ELFN1: variants seen among roughly 807,000 people sequenced by gnomAD.
ELFN1 encodes protein ELFN1.
A neutral mutation model predicts 7.6 loss-of-function variants in ELFN1; 6 were observed. The observed-to-expected ratio is 0.79, with a 90% CI of 0.43 to 1.56. The LOEUF (loss-of-function observed/expected upper bound fraction) is 1.56, where lower values mean the gene tolerates loss of function less well. Ranked by LOEUF, ELFN1 falls within the 40% of genes most tolerant of loss-of-function variation. ELFN1 has a pLI of 0.01. For missense variants in ELFN1, 1,169 were observed against 1,232.2 expected, an observed-to-expected ratio of 0.95 and a Z score of 0.77; for synonymous variants, 657 against 588.1, an observed-to-expected ratio of 1.12 and a Z score of -1.70.
At chr7:1,715,672 AT>A (rs1414046724) in intron 3 of ELFN1, among the ~76,000 whole-genome samples, 1 of 152,036 alleles carries the variant, frequency 6.6e-6, no homozygotes, top group East Asian at 1.9e-4. Context: ...TGTAATTTAC[AT>A]CCTGTGACTC....
rs927624049 is a variant in ELFN1, at chr7:1,670,721, G to A, written c.-549+367G>A. 5.9e-5 allele frequency among the ~76,000 whole-genome samples: 9 copies of A among 151,948 alleles called. No individual in the cohort carries two copies. The highest frequency in any genetic ancestry group is 8.8e-5 in the Non-Finnish European group (6 of 67,922). On this transcript the variant is annotated intron_variant, in intron 1 of 3. Coordinates refer to ENST00000424383, the MANE Select transcript of ELFN1 (RefSeq NM_001128636.4). The surrounding 1 kb of genome is among the most constrained non-coding windows in gnomAD (Gnocchi z 6.4). ...ACCCTGCCCGGCGCCCCCCAGACGCGGCCCCCTGCCCTTCCCTTCCCGGAA... is the reference window on the plus strand; with the variant it reads ...ACCCTGCCCGGCGCCCCCCAGACGCAGCCCCCTGCCCTTCCCTTCCCGGAA...
At chr7:1,690,383 G>C (rs1427137923) in intron 2 of ELFN1, among the ~76,000 whole-genome samples, 2 of 151,128 alleles carry the variant, frequency 1.3e-5, no homozygotes, top group Non-Finnish European at 3.0e-5. Context: ...ATGGATGAAT[G>C]GATAGGTGAG....
chr7:1,725,276 C>T (rs1780155491), intron 3 of ELFN1, among the ~76,000 whole-genome samples: 1 of 152,216 alleles, frequency 6.6e-6, no homozygotes, highest in South Asian at 2.1e-4. Context: ...AGGGAGGCTG[C>T]CCGGCCAGAA....
chr7:1,693,514 G>A (rs1267315396), intron 2 of ELFN1: 4 of 471,128 alleles, frequency 8.5e-6, no homozygotes, highest in African/African-American at 4.0e-5. Context: ...GGTGTGGGGC[G>A]TGACCCACTT....
At chr7:1,743,852 C>T (rs180795730) in intron 3 of ELFN1, among the ~76,000 whole-genome samples, 34 of 152,306 alleles carry the variant, frequency 2.2e-4, no homozygotes, top group East Asian at 3.9e-4. Context: ...CATCCCTGGC[C>T]GCAGCCAGCC....
chr7:1,729,904 C>T (rs1780291569), intron 3 of ELFN1, among the ~76,000 whole-genome samples: 1 of 152,250 alleles, frequency 6.6e-6, no homozygotes, highest in African/African-American at 2.4e-5. Context: ...CATCTGTCAG[C>T]ACGGATGCCG....
rs904359969 is a variant in ELFN1 at position 1,740,416 on chromosome 7, C to T, written c.-293-3888C>T. ...ATGCGGGGTCTCCGCACCTGCCCTC[C>T]GTGCCAGACAGCACTCCTTTCTAGA... On this transcript the variant is annotated intron_variant, in intron 3 of 3. Coordinates refer to ENST00000424383, the MANE Select transcript of ELFN1 (RefSeq NM_001128636.4). The surrounding 1 kb of genome is among the most constrained non-coding windows in gnomAD (Gnocchi z 5.0). 3.3e-5 allele frequency among the ~76,000 whole-genome samples: 5 copies of T among 152,250 alleles called. No individual in the cohort carries two copies. Among genetic ancestry groups the T allele is most frequent in the African/African-American group, 1.2e-4 (5 of 41,470 alleles).
chr7:1,725,798 C>T (rs1780175739), intron 3 of ELFN1, among the ~76,000 whole-genome samples: 1 of 152,152 alleles, frequency 6.6e-6, no homozygotes, highest in African/African-American at 2.4e-5. Context: ...TGCGCACACA[C>T]ACAGTACACA....
At chr7:1,679,087 A>C (rs1354906656) in intron 1 of ELFN1, among the ~76,000 whole-genome samples, 2 of 152,084 alleles carry the variant, frequency 1.3e-5, no homozygotes, top group African/African-American at 4.8e-5. Context: ...CCCGTCTTGC[A>C]GGGATGTTGG....
At chr7:1,669,754 C>G (rs1032244970), upstream of ELFN1, among the ~76,000 whole-genome samples, 1 of 152,228 alleles carries the variant, frequency 6.6e-6, no homozygotes, top group East Asian at 1.9e-4. Flanking sequence ...AGGTCCCTGC[C>G]CTCCCGGATA....
chr7:1,726,121 G>T lies in ELFN1; in HGVS notation c.-294+16869G>T, dbSNP rs977524640. ...TACACACGCACTATTCTCTCCCAGGGCCTAGTGGGTCTTCGGCTGGAGAAC... is the reference window on the plus strand; with the variant it reads ...TACACACGCACTATTCTCTCCCAGGTCCTAGTGGGTCTTCGGCTGGAGAAC... On this transcript the variant is annotated intron_variant, in intron 3 of 3. Coordinates refer to ENST00000424383, the MANE Select transcript of ELFN1 (RefSeq NM_001128636.4). Among the ~76,000 whole-genome samples the T allele has an allele frequency of 3.3e-5, 5 of 152,182 alleles. No homozygotes were observed. In the East Asian group the frequency reaches 7.7e-4, roughly 24 times the overall value.
chr7:1,701,090 C>T (rs557277526), intron 2 of ELFN1, among the ~76,000 whole-genome samples: 47 of 150,192 alleles, frequency 3.1e-4, no homozygotes, highest in South Asian at 1.3e-3. Flanking sequence ...TGTGTGTGTG[C>T]GCGTGTGTGT....
At chr7:1,681,309 G>A (rs1409629943) in intron 1 of ELFN1, among the ~76,000 whole-genome samples, 3 of 152,028 alleles carry the variant, frequency 2.0e-5, no homozygotes, top group African/African-American at 7.3e-5. Flanking sequence ...GAACATTCGT[G>A]CACAAACTGG....
At chr7:1,678,320 G>A (rs1234472235) in intron 1 of ELFN1, among the ~76,000 whole-genome samples, 1 of 152,150 alleles carries the variant, frequency 6.6e-6, no homozygotes, top group Non-Finnish European at 1.5e-5. Context: ...ACCACCCAGG[G>A]CACCTGAGCC....
chr7:1,677,927 C>T (rs1316481547), intron 1 of ELFN1, among the ~76,000 whole-genome samples: 1 of 151,996 alleles, frequency 6.6e-6, no homozygotes, highest in Non-Finnish European at 1.5e-5. Flanking sequence ...GAGAGTCAGG[C>T]CCCTGAGGTG....
In ELFN1 at chr7:1,745,248, A is replaced by G. The variant is rs1405784444; in HGVS notation, c.652A>G (p.Met218Val). 1.1e-5 allele frequency: 17 copies of G among 1,539,932 alleles called. No individual in the cohort carries two copies. Among genetic ancestry groups the G allele is most frequent in the Non-Finnish European group, 1.4e-5 (16 of 1,146,872 alleles). ...CAACGCCACACAGACGTACGACCGC[A>G]TGCAGTGCGAGTCGCCGCCCGTCTA... Reference protein sequence around the residue: ...FTNATQTYDRMQCESPPVYSG... With the variant: ...FTNATQTYDRVQCESPPVYSG... Residue 218 changes from methionine (M) to valine (V), a missense_variant, in exon 4 of 4, where the codon ATG becomes GTG. By Grantham distance (21) the Met-to-Val change is conservative. This residue lies in a region of ELFN1 where 255 missense variants were observed against 359.6 expected (regional missense o/e 0.71). Coordinates refer to ENST00000424383, the MANE Select transcript of ELFN1 (RefSeq NM_001128636.4).
rs953971426 is a variant in ELFN1 at position 1,735,187 on chromosome 7, C to T, written c.-293-9117C>T. On this transcript the variant is annotated intron_variant, in intron 3 of 3. Transcript: ENST00000424383. This position sits in a 1 kb window ranked among gnomAD's most constrained non-coding sequence, Gnocchi z 5.9. ...GGCTTTGCATGCGGGAGGTGCTGCACACCGGCGGACCGTCGAGGAAACAGG... is the reference window on the plus strand; with the variant it reads ...GGCTTTGCATGCGGGAGGTGCTGCATACCGGCGGACCGTCGAGGAAACAGG... Among the ~76,000 whole-genome samples the T allele has an allele frequency of 1.3e-5, 2 of 152,172 alleles. No homozygotes were observed. Among genetic ancestry groups the T allele is most frequent in the Non-Finnish European group, 2.9e-5 (2 of 68,028 alleles).
At chr7:1,698,469 C>T (rs767041931) in intron 2 of ELFN1, among the ~76,000 whole-genome samples, 7 of 151,974 alleles carry the variant, frequency 4.6e-5, no homozygotes, top group African/African-American at 9.7e-5. Flanking sequence ...CGTTGGCAGC[C>T]GCAATGAAAT....
chr7:1,684,854 C>G (rs1300330669), intron 1 of ELFN1, among the ~76,000 whole-genome samples: 5 of 152,132 alleles, frequency 3.3e-5, no homozygotes, highest in Admixed American at 1.3e-4. Flanking sequence ...TTTATACAAT[C>G]TTATGTTTTT....
Sources: allele counts gnomAD v4.1 joint callset (sites outside exome capture counted in the v4.1 genomes callset), GRCh38; gene constraint gnomAD v4.1.1; regional missense constraint gnomAD v4.1.1; non-coding constraint Gnocchi (gnomAD v3.1); transcripts MANE v1.5; gene names NCBI Gene and HGNC (gene_info 2026-07-23, HGNC 2026-07-21).